Variants in MAP3K2 observed in about 807,000 individuals in gnomAD.
The protein encoded by MAP3K2 is mitogen-activated protein kinase kinase kinase 2.
In MAP3K2, 24 loss-of-function variants were observed where a neutral mutation model predicts 80.3. That is an observed-to-expected ratio of 0.30 (90% CI 0.22 to 0.42). The LOEUF (loss-of-function observed/expected upper bound fraction) is 0.42. MAP3K2 is among the 10% of genes least tolerant of loss of function. The probability of loss-of-function intolerance (pLI) is 1.00; values close to 1 mark genes in which losing one functional copy is unlikely to be tolerated. For missense variants in MAP3K2, 608 were observed against 750.1 expected (o/e 0.81, Z 2.21); for synonymous variants, 244 against 253.7 (o/e 0.96, Z 0.36).
At chr2:127,340,207 G>A (rs60517882) in intron 2 of MAP3K2, among the ~76,000 whole-genome samples, 1,752 of 152,084 alleles carry the variant, frequency 0.012, 33 homozygotes, top group African/African-American at 0.04. Flanking sequence ...CCTTCACCAA[G>A]GATTTTTTAT....
rs1265578814 is a variant in MAP3K2 at position 127,303,733 on chromosome 2, T to TA, written c.*3845dup. 2 of 152,104 alleles carry TA rather than the reference T, an allele frequency of 1.3e-5. No individual in the cohort carries two copies. Among genetic ancestry groups the TA allele is most frequent in the Non-Finnish European group, 2.9e-5 (2 of 68,004 alleles). The allele number at this position is 152,104 out of a possible 1,614,324, so 9.4% of individuals were successfully genotyped here. ...AACAAACAAAGAAGATTCATTCTATTAAAAAAGATAGATTTGTATATTTAA... is the reference window on the plus strand; with the variant it reads ...AACAAACAAAGAAGATTCATTCTATTAAAAAAAGATAGATTTGTATATTTAA... On this transcript the variant is annotated 3_prime_UTR_variant, in exon 17 of 17. Transcript: ENST00000682094.
rs1401313198 is a variant in MAP3K2, at chr2:127,366,874, T to TTC, written c.-66+20577_-66+20578insGA. On this transcript the variant is annotated intron_variant, in intron 1 of 16. Coordinates refer to ENST00000682094, the MANE Select transcript of MAP3K2 (RefSeq NM_001371910.2). Reference sequence around the variant, plus strand: ...CTGTCCCACAGTCAAGGGTTTTTTTTTTTTTTTTTTTTTTTGAGACAGAGT... The same window carrying TTC: ...CTGTCCCACAGTCAAGGGTTTTTTTTTCTTTTTTTTTTTTTTTGAGACAGAGT... Among the ~76,000 whole-genome samples the TTC allele has an allele frequency of 1.1e-4, 14 of 130,920 alleles. 1 individual carries two copies. The highest frequency in any genetic ancestry group is 1.9e-4 in the Non-Finnish European group (12 of 63,758). The allele number at this position is 130,920 out of a possible 152,430, so 85.9% of individuals were successfully genotyped here.
chr2:127,361,550 C>A (rs958647463), intron 1 of MAP3K2, among the ~76,000 whole-genome samples: 4 of 152,072 alleles, frequency 2.6e-5, no homozygotes, highest in Non-Finnish European at 5.9e-5. Context: ...TGTAAACATG[C>A]CTGCACATCC....
At chr2:127,352,372 C>A (rs1269181883) in intron 1 of MAP3K2, among the ~76,000 whole-genome samples, 3 of 152,160 alleles carry the variant, frequency 2.0e-5, no homozygotes, top group Admixed American at 6.5e-5. Context: ...AATGCACTCT[C>A]ACGAGTCTCC....
chr2:127,344,681 T>C (rs1686562857), intron 1 of MAP3K2, among the ~76,000 whole-genome samples: 1 of 152,042 alleles, frequency 6.6e-6, no homozygotes, highest in Admixed American at 6.6e-5. Context: ...TAAAAAATTG[T>C]ATAAAATTAC....
At chr2:127,381,826 T>C (rs931354921) in intron 1 of MAP3K2, among the ~76,000 whole-genome samples, 3 of 151,934 alleles carry the variant, frequency 2.0e-5, no homozygotes, top group Admixed American at 6.6e-5. Context: ...TTGTCCAAAA[T>C]GTTGAAATTA....
At chr2:127,332,609 C>T (rs1209572257) in intron 5 of MAP3K2, among the ~76,000 whole-genome samples, 1 of 152,308 alleles carries the variant, frequency 6.6e-6, no homozygotes, top group Middle Eastern at 3.4e-3. Context: ...CTACATTACA[C>T]TAAATAAATC....
At chr2:127,325,408 G>A (rs1337003702) in intron 9 of MAP3K2, among the ~76,000 whole-genome samples, 1 of 152,184 alleles carries the variant, frequency 6.6e-6, no homozygotes, top group African/African-American at 2.4e-5. Flanking sequence ...GCTGAGCATG[G>A]TGGCTCATGT....
At position 127,308,699 on chromosome 2, in the gene MAP3K2, C is replaced by T. The variant is rs368309168; in HGVS notation, c.1520G>A (p.Arg507Gln). 5.2e-5 allele frequency: 84 copies of T among 1,613,780 alleles called. 3 individuals are homozygous for T. The highest frequency in any genetic ancestry group is 2.8e-5 in the Non-Finnish European group (33 of 1,179,862). The part of the protein sequence containing the change: ...VKLGDFGASK[R>Q]LQTICLSGTG... The stretch of plus-strand genomic sequence containing the variant: ...CCCTGAGAGACAGATGGTCTGAAGC[C>T]GTTTGCTGGCCCCAAAATCTCCTAG... The change falls in exon 16 of 17, where the codon CGG becomes CAG. Residue 507 changes from arginine to glutamine, a missense_variant. Coordinates refer to ENST00000682094, the MANE Select transcript of MAP3K2 (RefSeq NM_001371910.2).
intron 1 of MAP3K2, among the ~76,000 whole-genome samples, chr2:127,371,470 G>C (rs1447933981): frequency 1.3e-5 from 2 of 152,190 alleles, no homozygotes; most frequent in Non-Finnish European, 2.9e-5. Flanking sequence ...GGAGCCATTT[G>C]TTGAATTTAT....
chr2:127,362,615 GA>G (rs1311613217), intron 1 of MAP3K2, among the ~76,000 whole-genome samples: 2 of 152,058 alleles, frequency 1.3e-5, no homozygotes, highest in Non-Finnish European at 2.9e-5. Context: ...TGTTGTCCCT[GA>G]TACTGTTATC....
Position 127,375,100 on chromosome 2 carries a change from G to C in MAP3K2, c.-66+12352C>G, listed in dbSNP as rs147758375. Among the ~76,000 whole-genome samples the C allele has an allele frequency of 2.3e-3, 355 of 152,326 alleles. 1 individual carries two copies. The highest frequency in any genetic ancestry group is 7.7e-3 in the African/African-American group (322 of 41,562). ...AGACGTAAACAGTAATGTATGGTAT[G>C]GTCCAAATGAATTGTTAACGTGGGG... On this transcript the variant is annotated intron_variant, in intron 1 of 16. Transcript: ENST00000682094.
intron 5 of MAP3K2, among the ~76,000 whole-genome samples, chr2:127,333,512 T>C (rs1179630334): frequency 1.3e-5 from 2 of 152,188 alleles, no homozygotes; most frequent in African/African-American, 4.8e-5. Context: ...CCTGACCACA[T>C]GTCCACAAAA....
At chr2:127,343,727 A>G (rs1190583626) in intron 1 of MAP3K2, among the ~76,000 whole-genome samples, 1 of 152,246 alleles carries the variant, frequency 6.6e-6, no homozygotes, top group African/African-American at 2.4e-5. Context: ...CATAAAAGAA[A>G]GGTGTTTATG....
chr2:127,317,573 T>C (rs1685930717), intron 14 of MAP3K2, 56 bp downstream of exon 14: 1 of 1,410,122 alleles, frequency 7.1e-7, no homozygotes, highest in African/African-American at 1.5e-5. Flanking sequence ...TGTTTTTCTT[T>C]TATTAACTAA....
chr2:127,388,069 G>A (rs373045469), upstream of MAP3K2: 73 of 983,586 alleles, frequency 7.4e-5, no homozygotes, highest in East Asian at 4.8e-3. Context: ...GCGCGCGCCC[G>A]GCCCAGGGGA....
intron 3 of MAP3K2, among the ~76,000 whole-genome samples, chr2:127,338,157 T>A (rs1425238941): frequency 6.6e-6 from 1 of 152,044 alleles, no homozygotes; most frequent in African/African-American, 2.4e-5. Context: ...AAATCCAGAG[T>A]AGACTATTTG....
At chr2:127,380,780 CTT>C (rs774615421) in intron 1 of MAP3K2, among the ~76,000 whole-genome samples, 2 of 152,158 alleles carry the variant, frequency 1.3e-5, no homozygotes, top group Non-Finnish European at 2.9e-5. Context: ...AAAAGACAAA[CTT>C]AACATTTCTT....
Position 127,304,648 on chromosome 2 carries a change from T to TA in MAP3K2, c.*2930dup, listed in dbSNP as rs200127720. On this transcript the variant is annotated 3_prime_UTR_variant, in exon 17 of 17. Transcript: ENST00000682094. ...AAACAAAACACATTTAGAGTTATCT[T>TA]AAAAAGTTCAAATTGCATTTGTTGA... 0.031 allele frequency: 4,711 copies of TA among 152,668 alleles called. 145 individuals carry two copies. Among genetic ancestry groups the TA allele is most frequent in the Non-Finnish European group, 0.044 (3,007 of 67,996 alleles). The allele number at this position is 152,668 out of a possible 1,614,324, so 9.5% of individuals were successfully genotyped here.
Sources: gnomAD v4.1 joint callset for allele counts (sites outside exome capture counted in the v4.1 genomes callset) on GRCh38, gnomAD v4.1.1 for gene constraint, MANE v1.5 for transcripts, NCBI Gene and HGNC (gene_info 2026-07-23, HGNC 2026-07-21) for gene names.